Variants in CHODL observed in about 807,000 individuals in gnomAD.
The protein encoded by CHODL is transmembrane protein MT75.
Under a neutral mutation model 34.5 loss-of-function variants are expected in CHODL, and 29 were observed. That is an observed-to-expected ratio of 0.84 (90% CI 0.63 to 1.15). The LOEUF is 1.15. Among genes scored for constraint, CHODL ranks in the 50% most tolerant of loss-of-function variants. The probability of loss-of-function intolerance (pLI) is 0.00; values close to 1 mark genes in which losing one functional copy is unlikely to be tolerated. For missense variants in CHODL, 332 were observed against 332.5 expected (o/e 1.00, Z 0.01); for synonymous variants, 125 against 116.1 (o/e 1.08, Z -0.49).
chr21:17,923,462 GT>G (rs71318108), intron 1 of CHODL, among the ~76,000 whole-genome samples: 113 of 130,658 alleles, frequency 8.6e-4, no homozygotes, highest in Middle Eastern at 8.7e-3. Context: ...TAATTCTTCA[GT>G]TTTTTTTTTT....
At chr21:18,075,962 G>A (rs1040879437) in intron 2 of CHODL, among the ~76,000 whole-genome samples, 1 of 152,152 alleles carries the variant, frequency 6.6e-6, no homozygotes, top group Non-Finnish European at 1.5e-5. Flanking sequence ...TTACAAGTCA[G>A]GACGTGAGCC....
intron 1 of CHODL, among the ~76,000 whole-genome samples, chr21:17,937,982 G>A (rs1332590573): frequency 1.3e-5 from 2 of 152,162 alleles, no homozygotes; most frequent in Non-Finnish European, 2.9e-5. Flanking sequence ...TGTATAACTT[G>A]TGTTACAATG....
intron 2 of CHODL, among the ~76,000 whole-genome samples, chr21:18,211,277 T>G (rs2073772450): frequency 6.6e-6 from 1 of 152,128 alleles, no homozygotes; most frequent in South Asian, 2.1e-4. Context: ...TTACTGTATA[T>G]TCCCCCTCTC....
intron 2 of CHODL, among the ~76,000 whole-genome samples, chr21:18,237,689 G>T (rs534524646): frequency 6.6e-6 from 1 of 152,200 alleles, no homozygotes; most frequent in African/African-American, 2.4e-5. Context: ...TTAATTCAGA[G>T]ATTCAGTTTT....
chr21:18,006,107 T>C (rs763499518), intron 1 of CHODL, among the ~76,000 whole-genome samples: 3 of 152,206 alleles, frequency 2.0e-5, no homozygotes, highest in South Asian at 2.1e-4. Flanking sequence ...CCACGCAAGA[T>C]GTGACTTGCT....
chr21:17,952,482 G>GA (rs1001453582), intron 1 of CHODL, among the ~76,000 whole-genome samples: 1 of 151,224 alleles, frequency 6.6e-6, no homozygotes, highest in Admixed American at 6.6e-5. Flanking sequence ...GTTAACCAAA[G>GA]AAAAAAAATC....
intron 2 of CHODL, among the ~76,000 whole-genome samples, chr21:18,091,135 A>G (rs1166080312): frequency 6.6e-6 from 1 of 152,234 alleles, no homozygotes; most frequent in Non-Finnish European, 1.5e-5. Context: ...GCCAGTCCCC[A>G]CATACAGAGG....
upstream of CHODL, among the ~76,000 whole-genome samples, chr21:18,243,922 C>G (rs1222880145): frequency 6.6e-6 from 1 of 152,062 alleles, no homozygotes; most frequent in East Asian, 1.9e-4. Flanking sequence ...GCATTTAAAG[C>G]AACATAATGA....
At chr21:18,026,229 A>G (rs545537115) in intron 1 of CHODL, among the ~76,000 whole-genome samples, 1 of 152,340 alleles carries the variant, frequency 6.6e-6, no homozygotes, top group African/African-American at 2.4e-5. Context: ...AGAGCTCTCT[A>G]CATCTAACAG....
chr21:18,078,324 C>T (rs2064891698), intron 2 of CHODL, among the ~76,000 whole-genome samples: 2 of 152,092 alleles, frequency 1.3e-5, no homozygotes, highest in African/African-American at 4.8e-5. Flanking sequence ...GGGAACTCCC[C>T]TTTATAAAAC....
rs967881587 is a variant in CHODL, at chr21:18,067,123, C to T, written c.-45+39152C>T. On this transcript the variant is annotated intron_variant, in intron 2 of 6. Transcript: ENST00000400127. Reference sequence around the variant, plus strand: ...GTGTGAGAGGCTCCTTGCAGGCATTCGCCTCAGCACATTTTCACAACACTT... The same window carrying T: ...GTGTGAGAGGCTCCTTGCAGGCATTTGCCTCAGCACATTTTCACAACACTT... 2.6e-5 allele frequency among the ~76,000 whole-genome samples: 4 copies of T among 152,268 alleles called. 1 individual carries two copies. Among genetic ancestry groups the T allele is most frequent in the South Asian group, 4.1e-4 (2 of 4,828 alleles).
intron 2 of CHODL, among the ~76,000 whole-genome samples, chr21:18,224,399 A>T (rs1284345858): frequency 2.0e-5 from 3 of 152,160 alleles, no homozygotes; most frequent in Non-Finnish European, 4.4e-5. Flanking sequence ...TCTTACCTCA[A>T]AGAGTTGACA....
chr21:18,200,674 T>C (rs1470008217), intron 2 of CHODL, among the ~76,000 whole-genome samples: 1 of 152,170 alleles, frequency 6.6e-6, no homozygotes, highest in Admixed American at 6.5e-5. Context: ...TTGGAACCGG[T>C]AGTGAGTTGA....
intron 1 of CHODL, among the ~76,000 whole-genome samples, chr21:17,972,119 C>A (rs185225961): frequency 6.6e-6 from 1 of 152,130 alleles, no homozygotes; most frequent in Admixed American, 6.5e-5. Flanking sequence ...TAAAAACTCT[C>A]AATAAACTAG....
rs1249484467 is a variant in CHODL at position 18,091,793 on chromosome 21, A to T, written c.-45+63822A>T. Among the ~76,000 whole-genome samples the T allele has an allele frequency of 5.3e-5, 8 of 152,056 alleles. No individual in the cohort carries two copies. The East Asian group carries it at 1.5e-3, about 29-fold the overall frequency. Reference sequence around the variant, plus strand: ...AAGAGCCCTTGGGCTTTAAGCAAACATTGCCAGTAGCCTGGCAGAATGCCC... The same window carrying T: ...AAGAGCCCTTGGGCTTTAAGCAAACTTTGCCAGTAGCCTGGCAGAATGCCC... On this transcript the variant is annotated intron_variant, in intron 2 of 6. Transcript: ENST00000400127.
chr21:18,141,071 A>G lies in CHODL; in HGVS notation c.-45+113100A>G, dbSNP rs952180325. Among the ~76,000 whole-genome samples, 4 of 152,222 alleles carry G rather than the reference A, an allele frequency of 2.6e-5. No homozygotes were observed. In the East Asian group the frequency reaches 7.7e-4, roughly 29 times the overall value. On this transcript the variant is annotated intron_variant, in intron 2 of 6. Coordinates refer to the CHODL transcript ENST00000400127. ...ACTTGAAGTTGAGGATATTTTAGAC[A>G]AAGACAAAAGCATAATGTAGATAAA...
chr21:18,020,059 C>T (rs545514796), intron 1 of CHODL, among the ~76,000 whole-genome samples: 1 of 152,182 alleles, frequency 6.6e-6, no homozygotes, highest in South Asian at 2.1e-4. Context: ...ATTGAATGAT[C>T]CTTTTAAGGG....
intron 4 of CHODL, among the ~76,000 whole-genome samples, 159 bp downstream of exon 4, chr21:18,260,445 G>T (rs367761778): frequency 1.3e-5 from 2 of 152,166 alleles, no homozygotes; most frequent in East Asian, 1.9e-4. Context: ...AAAAAATTAT[G>T]CTAAGCTAGT....
intron 1 of CHODL, among the ~76,000 whole-genome samples, chr21:17,948,283 C>T (rs1381017882): frequency 6.6e-6 from 1 of 150,674 alleles, no homozygotes; most frequent in Non-Finnish European, 1.5e-5. Flanking sequence ...TGCACTTGTT[C>T]CCCTAAATCT....
Sources: allele counts gnomAD v4.1 joint callset (sites outside exome capture counted in the v4.1 genomes callset), GRCh38; gene constraint gnomAD v4.1.1; transcripts MANE v1.5; gene names NCBI Gene and HGNC (gene_info 2026-07-23, HGNC 2026-07-21).